RBFOX1: variants seen among roughly 807,000 people sequenced by gnomAD.
RBFOX1 encodes the protein RNA binding fox-1 homolog 1.
RBFOX1 carries 8 observed loss-of-function variants against 57.7 expected under a neutral mutation model. The ratio of observed to expected loss-of-function variants is 0.14; its 90% CI spans 0.08 to 0.25. The LOEUF is 0.25. RBFOX1 is among the 10% of genes least tolerant of loss of function. The pLI is 1.00. For synonymous variants in RBFOX1, 326 were observed against 222.4 expected, an observed-to-expected ratio of 1.47 and a Z score of -4.15; for missense variants, 611 against 548.5, an observed-to-expected ratio of 1.11 and a Z score of -1.14.
intron 3 of RBFOX1, among the ~76,000 whole-genome samples, chr16:6,724,769 C>T (rs959038445): frequency 1.3e-5 from 2 of 151,832 alleles, no homozygotes; most frequent in African/African-American, 4.8e-5. Context: ...GGTACACTTG[C>T]AGAATGTGCA....
chr16:6,095,685 T>C (rs1457262412), intron 1 of RBFOX1, among the ~76,000 whole-genome samples: 1 of 150,632 alleles, frequency 6.6e-6, no homozygotes. Context: ...TCTTCCATTC[T>C]CTCTTCTGCG....
At position 6,712,830 on chromosome 16, in the gene RBFOX1, ACCCTCATGTGTCATGGGAGGGAC is replaced by A. The variant is rs1028158743; in HGVS notation, c.-16+58183_-16+58205del. 2.1e-5 allele frequency among the ~76,000 whole-genome samples: 3 copies of A among 139,962 alleles called. 1 individual carries two copies. Among genetic ancestry groups the A allele is most frequent in the Non-Finnish European group, 3.1e-5 (2 of 65,390 alleles). 91.8% of individuals were successfully genotyped at this position (139,962 alleles called of 152,430 possible). On this transcript the variant is annotated intron_variant, in intron 3 of 15. Coordinates refer to ENST00000550418, the MANE Select transcript of RBFOX1 (RefSeq NM_018723.4). ...TTCATCTTGAATTGTAGCTCTCATC[ACCCTCATGTGTCATGGGAGGGAC>A]CCAGTGGGAGGTAATTGAATCATGG...
chr16:6,007,089 G>A (rs1377449923), intron 4 of RBFOX1, among the ~76,000 whole-genome samples: 5 of 152,140 alleles, frequency 3.3e-5, no homozygotes, highest in African/African-American at 1.2e-4. Flanking sequence ...AGCTTTCTGG[G>A]AATGAGGATA....
chr16:7,095,104 C>T (rs533171129), intron 4 of RBFOX1, among the ~76,000 whole-genome samples: 1 of 152,074 alleles, frequency 6.6e-6, no homozygotes, highest in African/African-American at 2.4e-5. Flanking sequence ...AATGTTCTTT[C>T]TTTCTTTCTT....
chr16:6,919,265 G>T (rs917970748), intron 3 of RBFOX1, among the ~76,000 whole-genome samples: 1 of 152,136 alleles, frequency 6.6e-6, no homozygotes, highest in Non-Finnish European at 1.5e-5. Flanking sequence ...TGGGATTACA[G>T]GTGTGAGCCA....
chr16:5,492,327 T>G (rs1191647955), intron 2 of RBFOX1, among the ~76,000 whole-genome samples: 2 of 152,222 alleles, frequency 1.3e-5, no homozygotes, highest in Non-Finnish European at 2.9e-5. Flanking sequence ...CATATTCACT[T>G]AGTACTTCCT....
At chr16:5,398,287 A>G (rs1278056507) in intron 1 of RBFOX1, among the ~76,000 whole-genome samples, 1 of 151,540 alleles carries the variant, frequency 6.6e-6, no homozygotes, top group Non-Finnish European at 1.5e-5. Flanking sequence ...GTGTGTGTGC[A>G]TGTGTGCTTA....
intron 1 of RBFOX1, among the ~76,000 whole-genome samples, chr16:5,319,075 C>T (rs1047140023): frequency 2.6e-5 from 4 of 152,060 alleles, no homozygotes; most frequent in Non-Finnish European, 4.4e-5. Flanking sequence ...TGCGGTGAGC[C>T]GAGATCACGC....
intron 3 of RBFOX1, among the ~76,000 whole-genome samples, chr16:5,818,110 C>T (rs940198635): frequency 1.2e-4 from 19 of 152,184 alleles, no homozygotes; most frequent in Non-Finnish European, 2.8e-4. Flanking sequence ...CCATTCTGAT[C>T]ACTAGTAATG....
At chr16:6,959,244 G>T (rs183156438) in intron 3 of RBFOX1, among the ~76,000 whole-genome samples, 16 of 152,284 alleles carry the variant, frequency 1.1e-4, no homozygotes, top group Non-Finnish European at 1.6e-4. Flanking sequence ...AAGCTCAGGG[G>T]ACAGGCAGAT....
At chr16:7,221,819 A>G (rs1335289670) in intron 4 of RBFOX1, among the ~76,000 whole-genome samples, 5 of 152,264 alleles carry the variant, frequency 3.3e-5, no homozygotes, top group Non-Finnish European at 2.9e-5. Context: ...GAAAGCACAT[A>G]CAGAGGCCTG....
chr16:6,853,450 G>C (rs1339642682), intron 3 of RBFOX1, among the ~76,000 whole-genome samples: 1 of 152,092 alleles, frequency 6.6e-6, no homozygotes, highest in African/African-American at 2.4e-5. Context: ...TGGTTTAAAA[G>C]GCAAATCATC....
chr16:6,312,562 T>C (rs1337330744), intron 1 of RBFOX1, among the ~76,000 whole-genome samples: 1 of 152,156 alleles, frequency 6.6e-6, no homozygotes, highest in Non-Finnish European at 1.5e-5. Context: ...TCTGGCACTA[T>C]GCTAGACAGA....
intron 3 of RBFOX1, among the ~76,000 whole-genome samples, chr16:6,657,276 C>A (rs1295310382): frequency 1.3e-5 from 2 of 151,982 alleles, no homozygotes. Context: ...ATCTTATACT[C>A]ACGCTATAGT....
chr16:7,021,057 G>A (rs757922926), intron 3 of RBFOX1, among the ~76,000 whole-genome samples: 11 of 152,152 alleles, frequency 7.2e-5, no homozygotes, highest in Non-Finnish European at 1.5e-4. Context: ...GAACCTGGGA[G>A]GCAGAGGCTG....
intron 3 of RBFOX1, among the ~76,000 whole-genome samples, chr16:6,736,953 G>T (rs536298452): frequency 3.4e-4 from 52 of 152,272 alleles, no homozygotes; most frequent in African/African-American, 1.2e-3. Context: ...AGTTAGCATC[G>T]GGAAGCGACA....
intron 2 of RBFOX1, among the ~76,000 whole-genome samples, chr16:6,592,915 G>A (rs1187607979): frequency 6.6e-6 from 1 of 152,014 alleles, no homozygotes; most frequent in Admixed American, 6.6e-5. Context: ...ATCATTGGCT[G>A]GGCACGGTGG....
At chr16:6,745,677 A>T (rs1303234283) in intron 3 of RBFOX1, among the ~76,000 whole-genome samples, 2 of 152,246 alleles carry the variant, frequency 1.3e-5, no homozygotes, top group African/African-American at 2.4e-5. Flanking sequence ...TGGAAAATGT[A>T]TAGCTAATAT....
chr16:6,253,123 C>T (rs970165539), intron 1 of RBFOX1, among the ~76,000 whole-genome samples: 1 of 152,184 alleles, frequency 6.6e-6, no homozygotes, highest in Non-Finnish European at 1.5e-5. Context: ...ATCATACACA[C>T]ACTTACATCT....
Sources: allele counts gnomAD v4.1 joint callset (sites outside exome capture counted in the v4.1 genomes callset), GRCh38; gene constraint gnomAD v4.1.1; transcripts MANE v1.5; gene names NCBI Gene and HGNC (gene_info 2026-07-23, HGNC 2026-07-21).